POLN: variants seen among roughly 807,000 people sequenced by gnomAD.
The protein encoded by POLN is DNA polymerase N.
In POLN, 108 loss-of-function variants were observed where a neutral mutation model predicts 113.5. The observed-to-expected ratio is 0.95, with a 90% CI of 0.81 to 1.12. The LOEUF (loss-of-function observed/expected upper bound fraction) is 1.12. Among genes scored for constraint, POLN ranks in the 50% most tolerant of loss-of-function variants. The pLI is 0.00. For synonymous variants in POLN, 386 were observed against 391.5 expected, an observed-to-expected ratio of 0.99 and a Z score of 0.17; for missense variants, 1,097 against 1,077.1, an observed-to-expected ratio of 1.02 and a Z score of -0.26.
At chr4:2,177,422 T>C in intron 8 of POLN, 9 of 337,786 alleles carry the variant, frequency 2.7e-5, no homozygotes, top group South Asian at 2.0e-4. Flanking sequence ...GCCACCTCTT[T>C]GGAGAGAATG....
At chr4:2,145,749 G>C (rs1359281916) in intron 16 of POLN, among the ~76,000 whole-genome samples, 1 of 152,192 alleles carries the variant, frequency 6.6e-6, no homozygotes, top group Non-Finnish European at 1.5e-5. Flanking sequence ...TGTCAGGAGA[G>C]TTGAATACCA....
chr4:2,166,963 T>C (rs1732744219), intron 13 of POLN, among the ~76,000 whole-genome samples: 2 of 152,196 alleles, frequency 1.3e-5, no homozygotes, highest in African/African-American at 2.4e-5. Context: ...TCTGCATATA[T>C]CCTACCGGTT....
intron 2 of POLN, chr4:2,238,960 T>C: frequency 6.3e-7 from 1 of 1,593,262 alleles, no homozygotes; most frequent in Non-Finnish European, 8.5e-7. Flanking sequence ...TTCTGTCTTT[T>C]ATTTGAGTGA....
rs535226807 is a variant in POLN, at chr4:2,112,061, G to C, written c.1982+16052C>G. Among the ~76,000 whole-genome samples, 75 of 152,256 alleles carry C rather than the reference G, an allele frequency of 4.9e-4. 1 individual carries two copies. In the South Asian group the frequency reaches 0.015, roughly 31 times the overall value. ...AGATATAGACCAATGGAACAGAACA[G>C]AGCCCTCAGAAATAATGCTGCATAT... On this transcript the variant is annotated intron_variant, in intron 19 of 25. Transcript: ENST00000511885.
chr4:2,132,478 C>T (rs1731751143), intron 16 of POLN, among the ~76,000 whole-genome samples: 2 of 152,082 alleles, frequency 1.3e-5, no homozygotes, highest in South Asian at 2.1e-4. Flanking sequence ...ATACTTTTTC[C>T]AATTTGAGAA....
At position 2,154,297 on chromosome 4, in the gene POLN, A is replaced by G. The variant is rs370090559; in HGVS notation, c.1731+2491T>C. Reference sequence around the variant, plus strand: ...GGCAAAAGAAAATTGGAGGAAAATAATTCAACATTTCATAAAGGGTTAATT... The same window carrying G: ...GGCAAAAGAAAATTGGAGGAAAATAGTTCAACATTTCATAAAGGGTTAATT... On this transcript the variant is annotated intron_variant, in intron 16 of 25. Coordinates refer to ENST00000511885, the MANE Select transcript of POLN (RefSeq NM_181808.4). 2.4e-3 allele frequency among the ~76,000 whole-genome samples: 371 copies of G among 151,976 alleles called. 1 individual carries two copies. The highest frequency in any genetic ancestry group is 0.014 in the Middle Eastern group (4 of 294).
chr4:2,079,409 G>GT lies in POLN; in HGVS notation c.2387+1548dup, dbSNP rs1171084616. On this transcript the variant is annotated intron_variant, in intron 23 of 25. Transcript: ENST00000511885. ...GATTTCAGGACACCATGAGAACACT[G>GT]TGGGGCACTAGAGGCTGCCTGGCAT... The GT allele has an allele frequency of 1.2e-5, 12 of 983,088 alleles. No individual in the cohort carries two copies. In the African/African-American group the frequency reaches 1.7e-4, roughly 14 times the overall value. The allele number at this position is 983,088 out of a possible 1,614,324, so 60.9% of individuals were successfully genotyped here.
At chr4:2,122,266 T>C (rs1472693063) in intron 19 of POLN, among the ~76,000 whole-genome samples, 2 of 152,148 alleles carry the variant, frequency 1.3e-5, no homozygotes. Context: ...CCCATACCTC[T>C]GGAGAGAGAG....
intron 18 of POLN, among the ~76,000 whole-genome samples, chr4:2,128,769 A>G (rs1731649386): frequency 6.6e-6 from 1 of 152,190 alleles, no homozygotes. Context: ...ATTTATTTGA[A>G]AGAGGCCAGC....
chr4:2,073,374 G>A (rs1290609541), intron 24 of POLN, among the ~76,000 whole-genome samples: 3 of 152,230 alleles, frequency 2.0e-5, no homozygotes, highest in Non-Finnish European at 4.4e-5. Flanking sequence ...CCAGCTGGGG[G>A]CCATGGGGTG....
chr4:2,114,852 G>T (rs1475146492), intron 19 of POLN, among the ~76,000 whole-genome samples: 1 of 151,636 alleles, frequency 6.6e-6, no homozygotes, highest in Admixed American at 6.6e-5. Context: ...TCTTCTGCTT[G>T]TGAGATGCCA....
intron 13 of POLN, among the ~76,000 whole-genome samples, chr4:2,162,189 C>G (rs1207084755): frequency 6.6e-6 from 1 of 152,146 alleles, no homozygotes; most frequent in Non-Finnish European, 1.5e-5. Context: ...TCTTTGGGTC[C>G]ACACTACTTT....
At chr4:2,111,552 C>CA (rs1257017044) in intron 19 of POLN, among the ~76,000 whole-genome samples, 1 of 152,200 alleles carries the variant, frequency 6.6e-6, no homozygotes, top group Non-Finnish European at 1.5e-5. Context: ...TCTCAGGATA[C>CA]AAAATCAATG....
At position 2,242,082 on chromosome 4, in the gene POLN, C is replaced by T. The variant is rs182178490; in HGVS notation, c.-315G>A. 6 of 985,720 alleles carry T rather than the reference C, an allele frequency of 6.1e-6. No individual in the cohort carries two copies. The highest frequency in any genetic ancestry group is 6.1e-5 in the Admixed American group (1 of 16,278). 61.1% of individuals were successfully genotyped at this position (985,720 alleles called of 1,614,324 possible). A position where few individuals can be genotyped will look rare whatever the true frequency, so the allele number is the denominator to read the frequency against. On this transcript the variant is annotated 5_prime_UTR_variant, in exon 1 of 26. Transcript: ENST00000511885. ...AAGTTCCGCTTGCTTCTCGCAGGAG[C>T]CCGCCGCCACCGCCCTCCGTGCCCC...
Position 2,127,638 on chromosome 4 carries a change from C to A in POLN, c.1982+475G>T, listed in dbSNP as rs1246261468. Among the ~76,000 whole-genome samples the A allele has an allele frequency of 6.6e-6, 1 of 152,196 alleles. No individual in the cohort carries two copies. Among genetic ancestry groups the A allele is most frequent in the East Asian group, 1.9e-4 (1 of 5,178 alleles). On this transcript the variant is annotated intron_variant, in intron 19 of 25. Transcript: ENST00000511885. This position sits in a 1 kb window ranked among gnomAD's most constrained non-coding sequence, Gnocchi z 4.7. ...GGCCTGGGACGACACTGCCAAGCTG[C>A]CCAACAAAACCCGAGCCCATCTGCC...
intron 20 of POLN, among the ~76,000 whole-genome samples, chr4:2,094,563 T>A (rs1730741116): frequency 6.6e-6 from 1 of 152,042 alleles, no homozygotes; most frequent in South Asian, 2.1e-4. Context: ...ATTTGTTACC[T>A]AAGAAATGGG....
At chr4:2,122,211 G>A (rs572212647) in intron 19 of POLN, among the ~76,000 whole-genome samples, 1 of 152,252 alleles carries the variant, frequency 6.6e-6, no homozygotes, top group East Asian at 1.9e-4. Flanking sequence ...AAACCAAGAG[G>A]CAAAATAGTC....
chr4:2,236,372 C>T (rs559315835), intron 2 of POLN: 1 of 1,613,166 alleles, frequency 6.2e-7, no homozygotes, highest in African/African-American at 1.3e-5. Context: ...TATTCTGTTT[C>T]AATTTCTCAG....
chr4:2,209,422 T>C (rs981872238), intron 4 of POLN, among the ~76,000 whole-genome samples: 1 of 142,710 alleles, frequency 7.0e-6, no homozygotes, highest in African/African-American at 2.6e-5. Context: ...GAGGTTGCAG[T>C]GAGCTGAGAT....
Sources: gnomAD v4.1 joint callset for allele counts (sites outside exome capture counted in the v4.1 genomes callset) on GRCh38, gnomAD v4.1.1 for gene constraint, Gnocchi (gnomAD v3.1) non-coding constraint, MANE v1.5 for transcripts, NCBI Gene and HGNC (gene_info 2026-07-23, HGNC 2026-07-21) for gene names.